Variants in PKM observed in about 807,000 individuals in gnomAD.
PKM encodes pyruvate kinase PKM.
In PKM, 18 loss-of-function variants were observed where a neutral mutation model predicts 49.8. The ratio of observed to expected loss-of-function variants is 0.36; its 90% CI spans 0.25 to 0.54. The LOEUF is 0.54. PKM is among the 20% of genes least tolerant of loss of function. The pLI, the probability that PKM is intolerant of heterozygous loss-of-function variation, is 0.89. For missense variants in PKM, 508 were observed against 713.8 expected, an observed-to-expected ratio of 0.71 and a Z score of 3.28; for synonymous variants, 239 against 261.8, an observed-to-expected ratio of 0.91 and a Z score of 0.84.
chr15:72,228,376 CT>C (rs10656443), intron 1 of PKM, among the ~76,000 whole-genome samples: 14 of 118,852 alleles, frequency 1.2e-4, no homozygotes, highest in East Asian at 5.1e-4. Flanking sequence ...TTAGTTGTGG[CT>C]TTTTTTTTTT....
At chr15:72,229,765 A>AC in intron 1 of PKM, 2 of 1,048,564 alleles carry the variant, frequency 1.9e-6, no homozygotes, top group Non-Finnish European at 2.4e-6. Flanking sequence ...TCTAACTCTG[A>AC]CCCCCAAACA....
intron 1 of PKM, among the ~76,000 whole-genome samples, chr15:72,229,340 C>G (rs141337137): frequency 6.6e-6 from 1 of 152,296 alleles, no homozygotes; most frequent in East Asian, 1.9e-4. Flanking sequence ...CCAGTTTTCC[C>G]AGGGGAAACT....
At chr15:72,219,308 G>A (rs946653376) in intron 1 of PKM, 198 bp from the exon 2 acceptor site, 5 of 565,534 alleles carry the variant, frequency 8.8e-6, no homozygotes, top group Non-Finnish European at 1.6e-5. Flanking sequence ...GTGAACAATG[G>A]AAAGGACCTT....
chr15:72,219,295 A>G (rs2082461482), intron 1 of PKM, 185 bp from the exon 2 acceptor site: 1 of 581,812 alleles, frequency 1.7e-6, no homozygotes, highest in East Asian at 2.9e-5. Flanking sequence ...GGTTCACCAG[A>G]TTGTGAACAA....
intron 7 of PKM, 113 bp from the exon 8 acceptor site, chr15:72,206,993 G>A (rs2082099914): frequency 2.0e-6 from 3 of 1,468,466 alleles, no homozygotes. Context: ...GCTTTGTGTA[G>A]GTACATGGGG....
chr15:72,219,601 G>A (rs1175033996), intron 1 of PKM, among the ~76,000 whole-genome samples: 2 of 152,112 alleles, frequency 1.3e-5, no homozygotes, highest in Non-Finnish European at 2.9e-5. Context: ...TTTGTCGTGG[G>A]GCACCCATAT....
chr15:72,206,965 G>C, intron 7 of PKM, 85 bp from the exon 8 acceptor site: 1 of 1,529,360 alleles, frequency 6.5e-7, no homozygotes, highest in Non-Finnish European at 9.0e-7. Context: ...TGGATAGTGA[G>C]TAGGTACACA....
At chr15:72,209,906 G>A in intron 4 of PKM, 47 bp from the exon 5 acceptor site, 1 of 1,456,688 alleles carries the variant, frequency 6.9e-7, no homozygotes, top group Non-Finnish European at 9.6e-7. Context: ...GACACCAGTA[G>A]CAGCATCACC....
intron 2 of PKM, 46 bp downstream of exon 2, chr15:72,218,898 A>G (rs2082444264): frequency 6.3e-7 from 1 of 1,597,518 alleles, no homozygotes; most frequent in East Asian, 2.2e-5. Context: ...GAGAAAGGTC[A>G]CTGCCCATGA....
At chr15:72,205,556 T>C (rs752760885) in intron 8 of PKM, among the ~76,000 whole-genome samples, 18 of 152,052 alleles carry the variant, frequency 1.2e-4, no homozygotes, top group Non-Finnish European at 2.5e-4. Flanking sequence ...CTGAAAGCTG[T>C]TTAAGCCCAG....
intron 8 of PKM, chr15:72,204,530 A>C (rs1462039988): frequency 6.6e-6 from 1 of 152,226 alleles, no homozygotes; most frequent in Non-Finnish European, 1.5e-5. Context: ...GCAGGAGAGA[A>C]GACTGGCTTT....
At chr15:72,207,385 A>G in intron 6 of PKM, 108 bp from the exon 7 acceptor site, 1 of 969,414 alleles carries the variant, frequency 1.0e-6, no homozygotes, top group Non-Finnish European at 1.7e-6. Flanking sequence ...TCCTTGTACC[A>G]GGACAGACAT....
At chr15:72,217,384 G>A in intron 3 of PKM, 25 bp downstream of exon 3, 1 of 1,432,018 alleles carries the variant, frequency 7.0e-7, no homozygotes, top group Non-Finnish European at 9.9e-7. Context: ...CATCACAATG[G>A]CCATAGGGTC....
intron 3 of PKM, among the ~76,000 whole-genome samples, chr15:72,214,038 C>A (rs969722067): frequency 1.3e-5 from 2 of 152,192 alleles, no homozygotes; most frequent in African/African-American, 4.8e-5. Context: ...TATAATCTTA[C>A]AAAATTATTT....
At chr15:72,216,671 T>C (rs1206459103) in intron 3 of PKM, among the ~76,000 whole-genome samples, 1 of 152,120 alleles carries the variant, frequency 6.6e-6, no homozygotes, top group African/African-American at 2.4e-5. Context: ...AACCCCAAGC[T>C]CCTCAGAATG....
chr15:72,227,744 CAAAAAAA>C (rs34876633), intron 1 of PKM, among the ~76,000 whole-genome samples: 2 of 10,796 alleles, frequency 1.9e-4, no homozygotes, highest in African/African-American at 5.9e-4. Flanking sequence ...AAAACTATCT[CAAAAAAA>C]AAAAAAAAAA....
intron 6 of PKM, among the ~76,000 whole-genome samples, chr15:72,207,513 C>T (rs768887070): frequency 5.9e-5 from 9 of 152,196 alleles, no homozygotes; most frequent in South Asian, 4.1e-4. Flanking sequence ...GCTTCATTGA[C>T]GGAAGAAAGG....
At chr15:72,229,437 GTCTC>G (rs1225823317) in intron 1 of PKM, 2 of 560,020 alleles carry the variant, frequency 3.6e-6, no homozygotes, top group Non-Finnish European at 5.9e-6. Flanking sequence ...ACTTCCCAAT[GTCTC>G]TCTCCACGTG....
In PKM at chr15:72,202,919, G is replaced by T; in HGVS notation, c.1141-299C>A. On this transcript the variant is annotated intron_variant, in intron 8 of 10. Coordinates refer to ENST00000335181, the MANE Select transcript of PKM (RefSeq NM_002654.6). This position sits in a 1 kb window ranked among gnomAD's most constrained non-coding sequence, Gnocchi z 4.5. ...GCGGTGTTCCTACAGACGAGAAGAGGCTCTGTGCCCAGATGCCAGGTTGGG... is the reference window on the plus strand; with the variant it reads ...GCGGTGTTCCTACAGACGAGAAGAGTCTCTGTGCCCAGATGCCAGGTTGGG... The T allele has an allele frequency of 8.3e-7, 1 of 1,207,822 alleles. No homozygotes were observed. Among genetic ancestry groups the T allele is most frequent in the Non-Finnish European group, 1.2e-6 (1 of 821,432 alleles). 74.8% of individuals were successfully genotyped at this position (1,207,822 alleles called of 1,614,324 possible).
Sources: allele counts gnomAD v4.1 joint callset (sites outside exome capture counted in the v4.1 genomes callset), GRCh38; gene constraint gnomAD v4.1.1; non-coding constraint Gnocchi (gnomAD v3.1); transcripts MANE v1.5; gene names NCBI Gene and HGNC (gene_info 2026-07-23, HGNC 2026-07-21).